The following PIBF1 variants were observed in gnomAD, a reference collection of about 807,000 sequenced individuals.
PIBF1 encodes progesterone immunomodulatory binding factor 1.
Under a neutral mutation model 112.5 loss-of-function variants are expected in PIBF1, and 90 were observed. That is an observed-to-expected ratio of 0.80 (90% CI 0.67 to 0.95). The LOEUF (loss-of-function observed/expected upper bound fraction) is 0.95, where lower values mean the gene tolerates loss of function less well. Among genes scored for constraint, PIBF1 ranks in the 40% least tolerant of loss-of-function variants. The pLI is 0.00. For missense variants in PIBF1, 915 were observed against 852.3 expected (o/e 1.07, Z -0.92); for synonymous variants, 301 against 288.6 (o/e 1.04, Z -0.44).
intron 13 of PIBF1, among the ~76,000 whole-genome samples, chr13:72,926,290 ATATT>A (rs1235333123): frequency 4.6e-5 from 7 of 152,354 alleles, no homozygotes; most frequent in East Asian, 1.9e-4. Context: ...ATATGTATTC[ATATT>A]TATTTATAGA....
At chr13:72,872,910 A>G (rs1169317193) in intron 10 of PIBF1, among the ~76,000 whole-genome samples, 1 of 152,232 alleles carries the variant, frequency 6.6e-6, no homozygotes, top group Non-Finnish European at 1.5e-5. Context: ...GGACCTGTAC[A>G]CTGAAAACTA....
chr13:72,863,384 G>A (rs1226935068), intron 10 of PIBF1, among the ~76,000 whole-genome samples: 3 of 152,144 alleles, frequency 2.0e-5, no homozygotes, highest in Non-Finnish European at 4.4e-5. Flanking sequence ...GGGCGCGGTG[G>A]CTCACGCCTG....
chr13:72,786,439 C>T (rs2034600333), intron 2 of PIBF1, among the ~76,000 whole-genome samples: 1 of 152,166 alleles, frequency 6.6e-6, no homozygotes, highest in South Asian at 2.1e-4. Flanking sequence ...TATCTTTTAA[C>T]TTTACAGAAA....
At position 72,797,899 on chromosome 13, in the gene PIBF1, T is replaced by G; in HGVS notation, c.553-8T>G. 6.3e-7 allele frequency: 1 copy of G among 1,576,200 alleles called. No homozygotes were observed. Among genetic ancestry groups the G allele is most frequent in the Non-Finnish European group, 8.6e-7 (1 of 1,167,356 alleles). ...TTAAGACTGCTTATTAATTTAATTT[T>G]TTTCAAGGTTCGCTTCTATGAGCTA... On this transcript the variant is annotated splice_region_variant and splice_polypyrimidine_tract_variant and intron_variant, in intron 4 of 17. Coordinates refer to ENST00000326291, the MANE Select transcript of PIBF1 (RefSeq NM_006346.4).
intron 14 of PIBF1, among the ~76,000 whole-genome samples, chr13:72,943,630 C>T (rs999836821): frequency 4.6e-5 from 7 of 152,182 alleles, no homozygotes; most frequent in African/African-American, 1.7e-4. Context: ...TAATCTACTT[C>T]TCATCCTCAT....
rs143151296 is a variant in PIBF1 at position 72,875,650 on chromosome 13, T to C, written c.1323-18134T>C. 5.2e-3 allele frequency among the ~76,000 whole-genome samples: 790 copies of C among 152,322 alleles called. 2 individuals carry two copies. The highest frequency in any genetic ancestry group is 0.016 in the African/African-American group (675 of 41,578). ...GGCCTTTCTAATACATGTATAGTGG[T>C]ATCTCATTGTTGTTTTAACTTACAT... On this transcript the variant is annotated intron_variant, in intron 10 of 17. Coordinates refer to ENST00000326291, the MANE Select transcript of PIBF1 (RefSeq NM_006346.4).
chr13:72,932,889 C>A lies in PIBF1; in HGVS notation c.1833+1622C>A, dbSNP rs1274933342. On this transcript the variant is annotated intron_variant, in intron 14 of 17. Coordinates refer to ENST00000326291, the MANE Select transcript of PIBF1 (RefSeq NM_006346.4). Reference sequence around the variant, plus strand: ...TTTCAGGATTCATTTGTACTTCATTCTTTTCATTGCTGAGTAATTTCTTTG... The same window carrying A: ...TTTCAGGATTCATTTGTACTTCATTATTTTCATTGCTGAGTAATTTCTTTG... Among the ~76,000 whole-genome samples the A allele has an allele frequency of 2.6e-5, 4 of 152,152 alleles. No homozygotes were observed. In the East Asian group the frequency reaches 5.8e-4, roughly 22 times the overall value.
At chr13:72,940,324 A>G (rs1371932862) in intron 14 of PIBF1, among the ~76,000 whole-genome samples, 2 of 151,848 alleles carry the variant, frequency 1.3e-5, no homozygotes, top group Non-Finnish European at 2.9e-5. Flanking sequence ...TTTATCTCAG[A>G]TATTGTAGTT....
chr13:72,996,020 C>G (rs1164022760), intron 16 of PIBF1, among the ~76,000 whole-genome samples: 1 of 125,456 alleles, frequency 8.0e-6, no homozygotes, highest in African/African-American at 3.1e-5. Flanking sequence ...GAGAAGACCA[C>G]AGAAGAAAAG....
rs2035410675 is a variant in PIBF1, at chr13:72,800,403, T to A, written c.672+2377T>A. Among the ~76,000 whole-genome samples, 3 of 152,352 alleles carry A rather than the reference T, an allele frequency of 2.0e-5. No homozygotes were observed. The South Asian group carries it at 6.2e-4, about 32-fold the overall frequency. On this transcript the variant is annotated intron_variant, in intron 5 of 17. Transcript: ENST00000326291. ...AAATAAATGTCACATATTCTGGAGT[T>A]TATTTTTTGAAATGGTTCATTAAAT... is the stretch of plus-strand genomic sequence containing the variant.
chr13:72,935,311 CAT>C (rs750836148), intron 14 of PIBF1, among the ~76,000 whole-genome samples: 16 of 152,120 alleles, frequency 1.1e-4, no homozygotes, highest in Non-Finnish European at 1.9e-4. Flanking sequence ...TAAGAGGAAT[CAT>C]ATAGTATGTA....
chr13:72,933,187 A>G (rs2041764378), intron 14 of PIBF1, among the ~76,000 whole-genome samples: 1 of 152,260 alleles, frequency 6.6e-6, no homozygotes, highest in Non-Finnish European at 1.5e-5. Flanking sequence ...TATTTTTTAA[A>G]AGTAAAATAT....
chr13:72,865,612 C>T (rs1432691776), intron 10 of PIBF1, among the ~76,000 whole-genome samples: 10 of 152,212 alleles, frequency 6.6e-5, no homozygotes, highest in Admixed American at 6.5e-4. Context: ...TTGAAAAATG[C>T]TTCAAGATGA....
chr13:72,951,744 T>G (rs1474413920), intron 14 of PIBF1, among the ~76,000 whole-genome samples: 2 of 152,154 alleles, frequency 1.3e-5, no homozygotes, highest in Non-Finnish European at 2.9e-5. Flanking sequence ...TGTCATTATA[T>G]TATCACACAG....
chr13:72,890,159 T>A (rs1337125087), intron 10 of PIBF1, among the ~76,000 whole-genome samples: 1 of 152,158 alleles, frequency 6.6e-6, no homozygotes, highest in Non-Finnish European at 1.5e-5. Flanking sequence ...TGAAAACCTG[T>A]TATTTGATGT....
At chr13:72,941,467 A>G (rs2042005250) in intron 14 of PIBF1, among the ~76,000 whole-genome samples, 1 of 152,160 alleles carries the variant, frequency 6.6e-6, no homozygotes, top group Non-Finnish European at 1.5e-5. Flanking sequence ...ATATTTATCA[A>G]TTTCCCACTA....
chr13:72,837,411 G>A (rs141269772), intron 9 of PIBF1, among the ~76,000 whole-genome samples: 169 of 152,000 alleles, frequency 1.1e-3, no homozygotes, highest in African/African-American at 3.9e-3. Flanking sequence ...GTTCCAAGTA[G>A]CTCAAAGAAA....
At chr13:72,820,691 C>T (rs2036516604) in intron 5 of PIBF1, among the ~76,000 whole-genome samples, 1 of 152,138 alleles carries the variant, frequency 6.6e-6, no homozygotes, top group Non-Finnish European at 1.5e-5. Context: ...ATGATCCAGT[C>T]AGTATGTGTG....
chr13:72,942,700 T>TA (rs1334017675), intron 14 of PIBF1, among the ~76,000 whole-genome samples: 1 of 152,168 alleles, frequency 6.6e-6, no homozygotes, highest in African/African-American at 2.4e-5. Flanking sequence ...TGTTTGTTGA[T>TA]ATTAAAAATC....
Sources: allele counts gnomAD v4.1 joint callset (sites outside exome capture counted in the v4.1 genomes callset), GRCh38; gene constraint gnomAD v4.1.1; transcripts MANE v1.5; gene names NCBI Gene and HGNC (gene_info 2026-07-23, HGNC 2026-07-21).